The following PDE1C variants were observed in gnomAD, a reference collection of about 807,000 sequenced individuals.
The protein encoded by PDE1C is dual specificity calcium/calmodulin-dependent 3',5'-cyclic nucleotide phosphodiesterase 1C.
Under a neutral mutation model 93.1 loss-of-function variants are expected in PDE1C, and 62 were observed. The observed-to-expected ratio is 0.67, with a 90% CI of 0.54 to 0.82. PDE1C has a LOEUF of 0.82. PDE1C is among the 40% of genes least tolerant of loss of function. PDE1C has a pLI of 0.00. For missense variants in PDE1C, 742 were observed against 884.6 expected (o/e 0.84, Z 2.04); for synonymous variants, 325 against 310.1 (o/e 1.05, Z -0.50).
intron 1 of PDE1C, among the ~76,000 whole-genome samples, chr7:32,404,393 A>G (rs1048057144): frequency 2.0e-5 from 3 of 152,118 alleles, no homozygotes; most frequent in African/African-American, 7.2e-5. Context: ...AGAGTCTGTC[A>G]CCCAGGCTGG....
the PDE1C span, among the ~76,000 whole-genome samples, chr7:31,639,363 C>G: frequency 6.6e-6 from 1 of 151,874 alleles, no homozygotes; most frequent in Non-Finnish European, 1.5e-5. Context: ...CTTCTGCAGT[C>G]TCTAATCTGC....
intron 3 of PDE1C, among the ~76,000 whole-genome samples, chr7:32,097,644 T>G (rs1371699977): frequency 6.6e-6 from 1 of 152,172 alleles, no homozygotes; most frequent in African/African-American, 2.4e-5. Flanking sequence ...TTGTTTTATT[T>G]TCTTTTAATC....
At chr7:31,638,672 C>T in the PDE1C span, among the ~76,000 whole-genome samples, 1 of 152,146 alleles carries the variant, frequency 6.6e-6, no homozygotes. Flanking sequence ...AATCTGCCAT[C>T]CTTATCTTTG....
intron 17 of PDE1C, among the ~76,000 whole-genome samples, chr7:31,759,072 C>A (rs1431337836): frequency 6.6e-6 from 1 of 152,188 alleles, no homozygotes; most frequent in African/African-American, 2.4e-5. Context: ...TATAGGTAGA[C>A]TCCCCACTGA....
intron 2 of PDE1C, among the ~76,000 whole-genome samples, chr7:31,965,746 T>G (rs1366587024): frequency 2.6e-5 from 4 of 152,214 alleles, no homozygotes; most frequent in African/African-American, 9.7e-5. Flanking sequence ...CCCATCAGAC[T>G]AACAGCTGAT....
At chr7:31,665,884 G>C in the PDE1C span, among the ~76,000 whole-genome samples, 1 of 152,302 alleles carries the variant, frequency 6.6e-6, no homozygotes, top group East Asian at 1.9e-4. Flanking sequence ...ATGTTGATTA[G>C]TAGTTTACCT....
chr7:32,084,621 A>G (rs1796944106), intron 3 of PDE1C, among the ~76,000 whole-genome samples: 1 of 151,774 alleles, frequency 6.6e-6, no homozygotes, highest in African/African-American at 2.4e-5. Flanking sequence ...TCCTCAGCAA[A>G]TGTAAAAGAA....
chr7:32,033,394 T>C (rs1790597462), intron 2 of PDE1C, among the ~76,000 whole-genome samples: 1 of 152,172 alleles, frequency 6.6e-6, no homozygotes, highest in African/African-American at 2.4e-5. Context: ...ATATATTTCA[T>C]GCCACTCTGA....
At chr7:32,299,715 C>T (rs1209875569), upstream of PDE1C, among the ~76,000 whole-genome samples, 2 of 152,180 alleles carry the variant, frequency 1.3e-5, no homozygotes, top group Non-Finnish European at 2.9e-5. Context: ...GCCAAGTTAG[C>T]CATTGGCCTT....
At chr7:31,642,214 A>T in the PDE1C span, 1 of 1,561,064 alleles carries the variant, frequency 6.4e-7, no homozygotes, top group Middle Eastern at 2.0e-4. Flanking sequence ...CCAGTCTGAC[A>T]GCAGCGGGTT....
At chr7:31,943,199 A>T (rs1806085400) in intron 2 of PDE1C, among the ~76,000 whole-genome samples, 1 of 152,186 alleles carries the variant, frequency 6.6e-6, no homozygotes, top group African/African-American at 2.4e-5. Context: ...AAGAGCTATA[A>T]ATGCAGAACA....
At chr7:32,266,451 A>G (rs1241967733) in intron 1 of PDE1C, among the ~76,000 whole-genome samples, 1 of 151,764 alleles carries the variant, frequency 6.6e-6, no homozygotes, top group East Asian at 1.9e-4. Flanking sequence ...TGGTGAGCCG[A>G]GATCACACCA....
intron 3 of PDE1C, among the ~76,000 whole-genome samples, chr7:32,118,369 TAG>T (rs1420333383): frequency 6.6e-6 from 1 of 152,144 alleles, no homozygotes; most frequent in Non-Finnish European, 1.5e-5. Context: ...CATGATTCAG[TAG>T]AGAGGAAAAA....
At chr7:31,979,717 A>C (rs1812134059) in intron 2 of PDE1C, among the ~76,000 whole-genome samples, 1 of 152,210 alleles carries the variant, frequency 6.6e-6, no homozygotes, top group Non-Finnish European at 1.5e-5. Context: ...TGAAAGATCC[A>C]AGTGAATGCT....
At chr7:32,371,349 A>C (rs1014026351) in intron 1 of PDE1C, among the ~76,000 whole-genome samples, 9 of 152,212 alleles carry the variant, frequency 5.9e-5, no homozygotes, top group African/African-American at 2.2e-4. Context: ...AATTTTCTTC[A>C]TAGCACTTCT....
the PDE1C span, among the ~76,000 whole-genome samples, chr7:31,727,535 A>G: frequency 6.6e-6 from 1 of 152,194 alleles, no homozygotes; most frequent in Non-Finnish European, 1.5e-5. Flanking sequence ...AGAATTCCCA[A>G]GACAAATAGT....
At chr7:32,378,641 T>G (rs1784475358) in intron 1 of PDE1C, among the ~76,000 whole-genome samples, 1 of 148,916 alleles carries the variant, frequency 6.7e-6, no homozygotes, top group Admixed American at 6.6e-5. Flanking sequence ...TTTCAGTGTT[T>G]TTTGCATGTC....
intron 4 of PDE1C, 92 bp from the exon 5 acceptor site, chr7:31,878,128 G>A: frequency 1.2e-6 from 1 of 843,734 alleles, no homozygotes; most frequent in Non-Finnish European, 1.9e-6. Context: ...CAAATAATAA[G>A]AAGTCAAGTG....
At chr7:31,969,604 A>G (rs1810596386) in intron 2 of PDE1C, among the ~76,000 whole-genome samples, 1 of 152,224 alleles carries the variant, frequency 6.6e-6, no homozygotes, top group Admixed American at 6.5e-5. Flanking sequence ...GGGATCTGGA[A>G]CTAGAAATAC....
Sources: gnomAD v4.1 joint callset for allele counts (sites outside exome capture counted in the v4.1 genomes callset) on GRCh38, gnomAD v4.1.1 for gene constraint, MANE v1.5 for transcripts, NCBI Gene and HGNC (gene_info 2026-07-23, HGNC 2026-07-21) for gene names.